Variants in THNSL1 observed in about 807,000 individuals in gnomAD.
The protein encoded by THNSL1 is threonine synthase-like 1.
Under a neutral mutation model 50.4 loss-of-function variants are expected in THNSL1, and 48 were observed. The ratio of observed to expected loss-of-function variants is 0.95; its 90% CI spans 0.76 to 1.21. THNSL1 has a LOEUF of 1.21. Ranked by LOEUF, THNSL1 falls within the 50% of genes most tolerant of loss-of-function variation. THNSL1 has a pLI of 0.00. For synonymous variants in THNSL1, 309 were observed against 306.1 expected, an observed-to-expected ratio of 1.01 and a Z score of -0.10; for missense variants, 896 against 871.7, an observed-to-expected ratio of 1.03 and a Z score of -0.35.
At chr10:24,999,542 T>C in the THNSL1 span, 12 of 1,604,078 alleles carry the variant, frequency 7.5e-6, no homozygotes, top group South Asian at 3.4e-5. Context: ...AAAATGGATA[T>C]GTACCTAAAA....
At chr10:24,970,385 G>A in the THNSL1 span, among the ~76,000 whole-genome samples, 2 of 152,164 alleles carry the variant, frequency 1.3e-5, no homozygotes, top group Non-Finnish European at 2.9e-5. Context: ...AGATAGAGAG[G>A]AACTGTAGAC....
chr10:24,953,448 C>A, the THNSL1 span: 1 of 152,276 alleles, frequency 6.6e-6, no homozygotes, highest in African/African-American at 2.4e-5. Flanking sequence ...GCAAGAACAT[C>A]TGGTCAGATT....
At chr10:25,019,134 G>A (rs1423912140) in intron 1 of THNSL1, among the ~76,000 whole-genome samples, 2 of 152,162 alleles carry the variant, frequency 1.3e-5, no homozygotes, top group East Asian at 3.9e-4. Flanking sequence ...CTCCATATCT[G>A]TGAATTTCCC....
chr10:25,024,245 A>G lies in THNSL1; in HGVS notation c.1022A>G (p.Glu341Gly), dbSNP rs759378790. The G allele has an allele frequency of 6.2e-7, 1 of 1,614,180 alleles. No homozygotes were observed. The highest frequency in any genetic ancestry group is 8.5e-7 in the Non-Finnish European group (1 of 1,180,030). Residue 341 changes from glutamate to glycine, a missense_variant, in exon 3 of 3, where the codon GAG becomes GGG. Transcript: ENST00000376356. ...CTTTCAGGCAACCAGTTCATCCTGGAGTTGTTTCATGGACCAACAGGATCA... is the reference window on the plus strand; with the variant it reads ...CTTTCAGGCAACCAGTTCATCCTGGGGTTGTTTCATGGACCAACAGGATCA... Reference protein sequence around the residue: ...RHLSGNQFILELFHGPTGSFK... With the variant: ...RHLSGNQFILGLFHGPTGSFK...
chr10:25,003,040 C>T, the THNSL1 span, among the ~76,000 whole-genome samples: 1 of 151,806 alleles, frequency 6.6e-6, no homozygotes, highest in Non-Finnish European at 1.5e-5. Context: ...AAATAAGATA[C>T]TCTATTTTAT....
rs750181991 is a variant in THNSL1 at position 25,024,358 on chromosome 10, T to G, written c.1135T>G (p.Ser379Ala). 61 of 1,614,110 alleles carry G rather than the reference T, an allele frequency of 3.8e-5. No individual in the cohort carries two copies. The highest frequency in any genetic ancestry group is 5.2e-5 in the Non-Finnish European group (61 of 1,180,032). Residue 379 changes from serine (S) to alanine (A), a missense_variant, in exon 3 of 3, where the codon TCA becomes GCA. Coordinates refer to ENST00000376356, the MANE Select transcript of THNSL1 (RefSeq NM_024838.5). ...CAATTATATGATACTTGTAGCTACT[T>G]CAGGAGACACAGGGAGTGCAGTCTT... ...SCNYMILVAT[S>A]GDTGSAVLNG...
At chr10:24,991,936 C>T in the THNSL1 span, among the ~76,000 whole-genome samples, 2 of 152,168 alleles carry the variant, frequency 1.3e-5, no homozygotes, top group African/African-American at 2.4e-5. Flanking sequence ...CACAACCTGC[C>T]CTTCGGCATG....
At chr10:24,964,711 C>A in the THNSL1 span, among the ~76,000 whole-genome samples, 2 of 152,196 alleles carry the variant, frequency 1.3e-5, no homozygotes, top group Non-Finnish European at 2.9e-5. Context: ...ATTTTAAATT[C>A]ATGAGGCTTA....
the THNSL1 span, among the ~76,000 whole-genome samples, chr10:24,974,213 T>C: frequency 1.3e-5 from 2 of 152,204 alleles, no homozygotes; most frequent in Non-Finnish European, 2.9e-5. Context: ...TTAATAATTT[T>C]AGAATTTGTT....
upstream of THNSL1, chr10:25,016,150 G>C (rs142760402): frequency 4.9e-3 from 5,983 of 1,218,232 alleles, 33 homozygotes; most frequent in Non-Finnish European, 5.6e-3. Context: ...GCTAAGCGTC[G>C]TTGACTGTGC....
rs762169718 is a variant in THNSL1, at chr10:25,023,897, A to G, written c.674A>G (p.Asp225Gly). Reference sequence around the variant, plus strand: ...CTGAATGCAATTAAAAGATACCAAGATGTGGACTCGGAAACATTCATTTCA... The same window carrying G: ...CTGAATGCAATTAAAAGATACCAAGGTGTGGACTCGGAAACATTCATTTCA... The part of the protein sequence containing the change: ...KVLNAIKRYQ[D>G]VDSETFISTR... Residue 225 changes from aspartate to glycine, a missense_variant, in exon 3 of 3, where the codon GAT becomes GGT. Coordinates refer to ENST00000376356, the MANE Select transcript of THNSL1 (RefSeq NM_024838.5). The G allele has an allele frequency of 1.9e-6, 3 of 1,614,206 alleles. No individual in the cohort carries two copies. The highest frequency in any genetic ancestry group is 1.7e-6 in the Non-Finnish European group (2 of 1,180,024).
chr10:24,958,488 C>G, the THNSL1 span, among the ~76,000 whole-genome samples: 1 of 152,150 alleles, frequency 6.6e-6, no homozygotes, highest in Non-Finnish European at 1.5e-5. Context: ...TACATAAATA[C>G]AAAAGAAATG....
chr10:24,984,551 AC>A, the THNSL1 span: 1 of 1,084,480 alleles, frequency 9.2e-7, no homozygotes. Context: ...ACTAGTAAAA[AC>A]AAAATTTCTT....
Position 25,024,767 on chromosome 10 carries a change from TAGC to T in THNSL1, c.1550_1552del (p.Ala517del). ...CCCACAGGAAACTTTGGTAACATTT[TAGC>T]AGCAGTGTATGCCAAAATGATGGGA... On this transcript the variant is annotated inframe_deletion, in exon 3 of 3. Transcript: ENST00000376356. 6.2e-7 allele frequency: 1 copy of T among 1,614,228 alleles called. No homozygotes were observed. The highest frequency in any genetic ancestry group is 8.5e-7 in the Non-Finnish European group (1 of 1,180,030).
upstream of THNSL1, among the ~76,000 whole-genome samples, chr10:25,014,945 G>A (rs1271080983): frequency 6.6e-6 from 1 of 152,184 alleles, no homozygotes; most frequent in African/African-American, 2.4e-5. Flanking sequence ...TCACAGATCA[G>A]TAAACAAATG....
chr10:25,009,766 A>G, the THNSL1 span, among the ~76,000 whole-genome samples: 2 of 152,154 alleles, frequency 1.3e-5, no homozygotes, highest in African/African-American at 4.8e-5. Context: ...AATAAGTCAC[A>G]TAAGATCTGA....
At position 25,016,659 on chromosome 10, in the gene THNSL1, C is replaced by G. The variant is rs1183680485; in HGVS notation, c.-249C>G. ...GCCGCAGGCACAGGCGCAGAGTCCACTGCGCGGGGGCGGGACCGGGGAGCT... is the reference window on the plus strand; with the variant it reads ...GCCGCAGGCACAGGCGCAGAGTCCAGTGCGCGGGGGCGGGACCGGGGAGCT... On this transcript the variant is annotated 5_prime_UTR_variant, in exon 1 of 3. Coordinates refer to ENST00000376356, the MANE Select transcript of THNSL1 (RefSeq NM_024838.5). 1 of 152,454 alleles carries G rather than the reference C, an allele frequency of 6.6e-6. No individual in the cohort carries two copies. The highest frequency in any genetic ancestry group is 2.4e-5 in the African/African-American group (1 of 41,462). 9.4% of individuals were successfully genotyped at this position (152,454 alleles called of 1,614,324 possible).
the THNSL1 span, among the ~76,000 whole-genome samples, chr10:24,978,229 A>G: frequency 6.6e-6 from 1 of 152,142 alleles, no homozygotes; most frequent in African/African-American, 2.4e-5. Flanking sequence ...AGACAAAAAA[A>G]TGCTATTCCC....
In THNSL1 at chr10:25,026,538, C is replaced by G. The variant is rs1361680407; in HGVS notation, c.*1083C>G. The G allele has an allele frequency of 6.0e-6, 1 of 166,798 alleles. No homozygotes were observed. Among genetic ancestry groups the G allele is most frequent in the East Asian group, 1.9e-4 (1 of 5,202 alleles). The allele number at this position is 166,798 out of a possible 1,614,324, so 10.3% of individuals were successfully genotyped here. On this transcript the variant is annotated 3_prime_UTR_variant, in exon 3 of 3. Coordinates refer to ENST00000376356, the MANE Select transcript of THNSL1 (RefSeq NM_024838.5). ...AGTGAACATTGTCTTTTTCTGGCAG[C>G]TGAAACTGCACACAACTGATACACA...
Sources: allele counts gnomAD v4.1 joint callset (sites outside exome capture counted in the v4.1 genomes callset), GRCh38; gene constraint gnomAD v4.1.1; transcripts MANE v1.5; gene names NCBI Gene and HGNC (gene_info 2026-07-23, HGNC 2026-07-21).